The following ARFGEF1 variants were observed in gnomAD, a reference collection of about 807,000 sequenced individuals.
ARFGEF1 encodes ARF guanine nucleotide exchange factor 1, also known as brefeldin A-inhibited guanine nucleotide-exchange protein 1.
In ARFGEF1, 42 loss-of-function variants were observed where a neutral mutation model predicts 231.0. That is an observed-to-expected ratio of 0.18 (90% CI 0.14 to 0.24). The LOEUF (loss-of-function observed/expected upper bound fraction) is 0.24, where lower values mean the gene tolerates loss of function less well. Ranked by LOEUF, ARFGEF1 falls within the 10% of genes least tolerant of loss-of-function variation. The pLI, the probability that ARFGEF1 is intolerant of heterozygous loss-of-function variation, is 1.00. For missense variants in ARFGEF1, 1,345 were observed against 2,192.0 expected, an observed-to-expected ratio of 0.61 and a Z score of 7.72; for synonymous variants, 710 against 732.3, an observed-to-expected ratio of 0.97 and a Z score of 0.49.
intron 29 of ARFGEF1, among the ~76,000 whole-genome samples, chr8:67,223,483 C>T (rs573961053): frequency 5.9e-5 from 9 of 152,234 alleles, no homozygotes; most frequent in South Asian, 2.1e-4. Flanking sequence ...CCATGGCATC[C>T]GGCCCACATT....
At chr8:67,254,751 A>AT (rs1412183794) in intron 17 of ARFGEF1, among the ~76,000 whole-genome samples, 2 of 151,954 alleles carry the variant, frequency 1.3e-5, no homozygotes, top group Admixed American at 6.5e-5. Context: ...CTGCAAACAG[A>AT]TTTTTCTAAC....
Position 67,302,214 on chromosome 8 carries a change from A to G in ARFGEF1, c.155+222T>C, listed in dbSNP as rs1374554742. ...ACCCTGTCTCCAAAAAAATATATGC[A>G]TACATTTTTATAAATATATATAAAA... On this transcript the variant is annotated intron_variant, in intron 2 of 38. Coordinates refer to ENST00000262215, the MANE Select transcript of ARFGEF1 (RefSeq NM_006421.5). Among the ~76,000 whole-genome samples the G allele has an allele frequency of 2.0e-5, 3 of 152,114 alleles. No homozygotes were observed. In the East Asian group the frequency reaches 5.8e-4, roughly 29 times the overall value.
rs183898003 is a variant in ARFGEF1, at chr8:67,250,051, T to C, written c.2850+1248A>G. Among the ~76,000 whole-genome samples the C allele has an allele frequency of 4.0e-3, 611 of 152,308 alleles. 1 individual carries two copies. The highest frequency in any genetic ancestry group is 9.1e-3 in the South Asian group (44 of 4,834). On this transcript the variant is annotated intron_variant, in intron 19 of 38. Coordinates refer to ENST00000262215, the MANE Select transcript of ARFGEF1 (RefSeq NM_006421.5). ...GATGTTCTAGAAACCAAAAGAATGC[T>C]GGTGTGAGTGCAGCATAGTAAGAAA...
intron 4 of ARFGEF1, among the ~76,000 whole-genome samples, chr8:67,298,841 C>CTGCAACCTCCGCCTCCCAGG (rs1806353926): frequency 1.3e-5 from 2 of 152,338 alleles, no homozygotes; most frequent in East Asian, 3.9e-4. Flanking sequence ...TCTTGGCTCA[C>CTGCAACCTCCGCCTCCCAGG]TGCAACCTCC....
exon 6 of ARFGEF1, chr8:67,175,566 G>T: frequency 3.7e-6 from 4 of 1,075,426 alleles, no homozygotes; most frequent in Non-Finnish European, 5.6e-6. Flanking sequence ...CACAGGGTCC[G>T]TTTGGTCTGT....
At chr8:67,314,355 C>G (rs537235803) in intron 1 of ARFGEF1, among the ~76,000 whole-genome samples, 22 of 152,254 alleles carry the variant, frequency 1.4e-4, no homozygotes, top group African/African-American at 5.1e-4. Context: ...AGTTTTACCC[C>G]CCTGCTCCTC....
At chr8:67,243,965 C>T (rs1010178607) in intron 19 of ARFGEF1, among the ~76,000 whole-genome samples, 1 of 151,726 alleles carries the variant, frequency 6.6e-6, no homozygotes, top group Non-Finnish European at 1.5e-5. Flanking sequence ...GCAGGCCAGG[C>T]GTGGTGGCTC....
intron 19 of ARFGEF1, among the ~76,000 whole-genome samples, chr8:67,249,289 A>C (rs1221542546): frequency 2.0e-5 from 3 of 150,564 alleles, no homozygotes; most frequent in Non-Finnish European, 4.4e-5. Flanking sequence ...CTGTAGCATA[A>C]AACAGGCTTT....
chr8:67,296,107 G>T (rs914748289), intron 5 of ARFGEF1, among the ~76,000 whole-genome samples: 1 of 152,082 alleles, frequency 6.6e-6, no homozygotes, highest in Non-Finnish European at 1.5e-5. Flanking sequence ...ATTAGATTAA[G>T]TATTTTATAG....
intron 1 of ARFGEF1, among the ~76,000 whole-genome samples, chr8:67,341,425 CAAAAAA>C (rs1186065653): frequency 1.1e-5 from 1 of 87,944 alleles, no homozygotes. Context: ...CCATCTCCAC[CAAAAAA>C]AAAAAAAAAA....
chr8:67,331,607 C>T (rs550285023), intron 1 of ARFGEF1, among the ~76,000 whole-genome samples: 7 of 151,870 alleles, frequency 4.6e-5, no homozygotes, highest in Non-Finnish European at 1.0e-4. Flanking sequence ...CTTAAACAGA[C>T]TAAGATATAC....
intron 1 of ARFGEF1, among the ~76,000 whole-genome samples, chr8:67,316,427 C>T (rs1027642067): frequency 2.6e-5 from 4 of 151,788 alleles, no homozygotes; most frequent in African/African-American, 9.7e-5. Context: ...TTCAAGAGGC[C>T]AATATTATCT....
chr8:67,285,243 G>A (rs895578648), intron 7 of ARFGEF1, among the ~76,000 whole-genome samples: 2 of 152,032 alleles, frequency 1.3e-5, no homozygotes, highest in Non-Finnish European at 2.9e-5. Flanking sequence ...AGTGGGCCAG[G>A]TGTGTGGTTC....
chr8:67,199,637 C>A (rs1249674439), intron 38 of ARFGEF1: 1 of 155,086 alleles, frequency 6.4e-6, no homozygotes, highest in African/African-American at 2.4e-5. Context: ...CCTTCTGTAC[C>A]CCTCCAGATC....
chr8:67,203,127 G>A lies in ARFGEF1; in HGVS notation c.5084C>T (p.Ala1695Val), dbSNP rs140098688. ...CLLESHRFAK[A>V]FNSNNEQRTA... ...CCTCTGTTCGTTGTTGGAATTAAACGCTTTTGCAAATCTATGTGACTCTAA... is the reference window on the plus strand; with the variant it reads ...CCTCTGTTCGTTGTTGGAATTAAACACTTTTGCAAATCTATGTGACTCTAA... The change falls in exon 36 of 39, where the codon GCG becomes GTG. Residue 1695 changes from alanine (A) to valine (V), a missense_variant. By Grantham distance (64) the Ala-to-Val change is moderately conservative. Coordinates refer to ENST00000262215, the MANE Select transcript of ARFGEF1 (RefSeq NM_006421.5). 18 of 1,613,914 alleles carry A rather than the reference G, an allele frequency of 1.1e-5. No individual in the cohort carries two copies. The highest frequency in any genetic ancestry group is 6.6e-5 in the South Asian group (6 of 91,028).
intron 37 of ARFGEF1, 35 bp from the exon 38 acceptor site, chr8:67,200,548 C>T (rs369265582): frequency 6.9e-6 from 9 of 1,295,266 alleles, no homozygotes; most frequent in Admixed American, 1.8e-5. Flanking sequence ...ATGTTACTTG[C>T]GTATCTACTG....
chr8:67,212,810 C>T (rs1838797992), intron 33 of ARFGEF1, among the ~76,000 whole-genome samples: 1 of 152,170 alleles, frequency 6.6e-6, no homozygotes, highest in Non-Finnish European at 1.5e-5. Context: ...AATGTATTAT[C>T]TTACTGAAGA....
chr8:67,232,774 T>C, intron 23 of ARFGEF1, 81 bp downstream of exon 23: 1 of 1,026,568 alleles, frequency 9.7e-7, no homozygotes, highest in Non-Finnish European at 1.4e-6. Flanking sequence ...TTGGCAATAA[T>C]ATTTTTCTTT....
At chr8:67,243,797 A>G (rs1840006287) in intron 19 of ARFGEF1, among the ~76,000 whole-genome samples, 1 of 152,228 alleles carries the variant, frequency 6.6e-6, no homozygotes, top group African/African-American at 2.4e-5. Flanking sequence ...AGAAAGAGAT[A>G]TATGTGACCT....
Sources: gnomAD v4.1 joint callset for allele counts (sites outside exome capture counted in the v4.1 genomes callset) on GRCh38, gnomAD v4.1.1 for gene constraint, MANE v1.5 for transcripts, NCBI Gene and HGNC (gene_info 2026-07-23, HGNC 2026-07-21) for gene names.